Variants in MTA3 observed in about 807,000 individuals in gnomAD.
MTA3 encodes metastasis-associated protein MTA3.
In MTA3, 34 loss-of-function variants were observed where a neutral mutation model predicts 83.5. That is an observed-to-expected ratio of 0.41 (90% CI 0.31 to 0.54). The LOEUF is 0.54. Ranked by LOEUF, MTA3 falls within the 20% of genes least tolerant of loss-of-function variation. MTA3 has a pLI of 0.33. For synonymous variants in MTA3, 303 were observed against 252.7 expected (o/e 1.20, Z -1.89); for missense variants, 761 against 726.4 (o/e 1.05, Z -0.55).
intron 2 of MTA3, among the ~76,000 whole-genome samples, chr2:42,526,351 C>T (rs976557550): frequency 1.3e-5 from 2 of 152,186 alleles, no homozygotes; most frequent in Non-Finnish European, 2.9e-5. Context: ...AGGCGCATGC[C>T]ACCGAGGCCG....
chr2:42,749,153 A>G (rs894362686), intron 16 of MTA3, among the ~76,000 whole-genome samples: 1 of 152,188 alleles, frequency 6.6e-6, no homozygotes, highest in Non-Finnish European at 1.5e-5. Context: ...GGGAGTTTGT[A>G]TGTAGATTTG....
chr2:42,640,039 G>A, intron 4 of MTA3, 134 bp from the exon 5 acceptor site: 2 of 632,172 alleles, frequency 3.2e-6, no homozygotes, highest in Non-Finnish European at 5.3e-6. Flanking sequence ...GGTCTAAATG[G>A]TTTGAAAAAA....
At chr2:42,508,234 A>AT (rs1185634267) in intron 2 of MTA3, among the ~76,000 whole-genome samples, 1 of 151,764 alleles carries the variant, frequency 6.6e-6, no homozygotes, top group East Asian at 1.9e-4. Context: ...ATATAAACCT[A>AT]TTTTTTTCTT....
Position 42,756,420 on chromosome 2 carries a change from G to A in MTA3, c.*3021G>A. The A allele has an allele frequency of 1.0e-6, 1 of 977,742 alleles. No homozygotes were observed. Among genetic ancestry groups the A allele is most frequent in the Non-Finnish European group, 1.2e-6 (1 of 822,970 alleles). 60.6% of individuals were successfully genotyped at this position (977,742 alleles called of 1,614,324 possible). A position where few individuals can be genotyped will look rare whatever the true frequency, so the allele number is the denominator to read the frequency against. On this transcript the variant is annotated 3_prime_UTR_variant, in exon 17 of 17. Coordinates refer to ENST00000405094, the MANE Select transcript of MTA3 (RefSeq NM_001330442.2). Reference sequence around the variant, plus strand: ...GAGCCTGGGACAGGCGACCCACCGGGTCAGTCCCCTGCCACTCAGAGCAGA... The same window carrying A: ...GAGCCTGGGACAGGCGACCCACCGGATCAGTCCCCTGCCACTCAGAGCAGA...
intron 8 of MTA3, among the ~76,000 whole-genome samples, chr2:42,666,776 C>A (rs1690270121): frequency 6.6e-6 from 1 of 152,046 alleles, no homozygotes. Flanking sequence ...CATTGAATTC[C>A]CAGCACCAAG....
chr2:42,667,628 A>T (rs1307666261), intron 8 of MTA3, among the ~76,000 whole-genome samples: 9,778 of 35,250 alleles, frequency 0.28, 467 homozygotes, highest in South Asian at 0.41. Flanking sequence ...AGAAAGAGAG[A>T]GAGAGAGAGA....
chr2:42,664,706 A>G (rs1690067521), intron 8 of MTA3, among the ~76,000 whole-genome samples: 1 of 151,970 alleles, frequency 6.6e-6, no homozygotes, highest in African/African-American at 2.4e-5. Flanking sequence ...CAAACCTTGG[A>G]TCTGAAGACC....
intron 8 of MTA3, chr2:42,680,144 T>A (rs1021573868): frequency 6.5e-6 from 1 of 153,108 alleles, no homozygotes; most frequent in Non-Finnish European, 1.5e-5. Flanking sequence ...ATTTCTGGAT[T>A]TTCTGGGATA....
intron 9 of MTA3, among the ~76,000 whole-genome samples, chr2:42,683,532 A>T (rs990005905): frequency 9.9e-5 from 15 of 152,282 alleles, no homozygotes; most frequent in African/African-American, 3.6e-4. Flanking sequence ...TTCTATTATG[A>T]TTACATTGTC....
At chr2:42,621,797 G>T (rs1181190746) in intron 4 of MTA3, among the ~76,000 whole-genome samples, 1 of 151,474 alleles carries the variant, frequency 6.6e-6, no homozygotes, top group Non-Finnish European at 1.5e-5. Context: ...GGGCAGAGAC[G>T]CTCCTCACCT....
Position 42,551,185 on chromosome 2 carries a change from T to TG in MTA3, c.-140-19252_-140-19251insG, listed in dbSNP as rs1439966040. 8.7e-4 allele frequency among the ~76,000 whole-genome samples: 132 copies of TG among 150,984 alleles called. 2 individuals carry two copies. Among genetic ancestry groups the TG allele is most frequent in the African/African-American group, 3.0e-3 (123 of 41,104 alleles). The stretch of plus-strand genomic sequence containing the variant: ...TTGATCAGTGAATATTTCTTTTTTT[T>TG]TTTTGTTTGTTTGTTTGTTTTTTGA... On this transcript the variant is annotated intron_variant, in intron 2 of 17. Transcript: ENST00000405592.
chr2:42,628,115 T>G (rs1246626626), intron 4 of MTA3, among the ~76,000 whole-genome samples: 1 of 152,004 alleles, frequency 6.6e-6, no homozygotes, highest in Non-Finnish European at 1.5e-5. Context: ...AACGCCTGAC[T>G]TTGTGATCCA....
intron 3 of MTA3, among the ~76,000 whole-genome samples, chr2:42,586,359 A>G (rs1401694708): frequency 6.6e-6 from 1 of 150,614 alleles, no homozygotes; most frequent in African/African-American, 2.4e-5. Flanking sequence ...CCAAGGTAGG[A>G]GGACCACTTG....
At chr2:42,723,401 C>T (rs13411389) in intron 16 of MTA3, 19,029 of 180,500 alleles carry the variant, frequency 0.11, 1,290 homozygotes, top group Middle Eastern at 0.19. Context: ...CATCAGTGTT[C>T]TCTGGGGGTT....
chr2:42,755,106 C>A lies in MTA3; in HGVS notation c.*1707C>A. 1 of 985,420 alleles carries A rather than the reference C, an allele frequency of 1.0e-6. No individual in the cohort carries two copies. Among genetic ancestry groups the A allele is most frequent in the South Asian group, 4.7e-5 (1 of 21,276 alleles). 61.0% of individuals were successfully genotyped at this position (985,420 alleles called of 1,614,324 possible). A position where few individuals can be genotyped will look rare whatever the true frequency, so the allele number is the denominator to read the frequency against. On this transcript the variant is annotated 3_prime_UTR_variant, in exon 17 of 17. Coordinates refer to ENST00000405094, the MANE Select transcript of MTA3 (RefSeq NM_001330442.2). Reference sequence around the variant, plus strand: ...TCCTCAGGGTTCCCACTGAGGGGTCCCTTCAGCAAAGACCTGGGAGGAGGT... The same window carrying A: ...TCCTCAGGGTTCCCACTGAGGGGTCACTTCAGCAAAGACCTGGGAGGAGGT...
intron 6 of MTA3, among the ~76,000 whole-genome samples, chr2:42,654,739 T>C (rs540198185): frequency 1.2e-4 from 19 of 152,274 alleles, no homozygotes; most frequent in East Asian, 3.9e-4. Flanking sequence ...CTCAGCTTCC[T>C]GAGTAGTTAT....
At chr2:42,658,138 C>T (rs1689341322) in intron 7 of MTA3, among the ~76,000 whole-genome samples, 1 of 145,208 alleles carries the variant, frequency 6.9e-6, no homozygotes, top group Non-Finnish European at 1.5e-5. Flanking sequence ...AGTCAAATAC[C>T]ACTGCCAATC....
At chr2:42,678,407 G>A (rs547221974) in intron 8 of MTA3, among the ~76,000 whole-genome samples, 191 of 151,982 alleles carry the variant, frequency 1.3e-3, no homozygotes, top group Non-Finnish European at 2.0e-3. Flanking sequence ...GCGTGATCTC[G>A]GCTCACTGCT....
intron 3 of MTA3, among the ~76,000 whole-genome samples, chr2:42,603,107 C>CTT (rs11352685): frequency 3.1e-5 from 4 of 128,298 alleles, no homozygotes; most frequent in African/African-American, 3.0e-5. Context: ...AATAAATTTA[C>CTT]TTTTTTTTTT....
Sources: allele counts gnomAD v4.1 joint callset (sites outside exome capture counted in the v4.1 genomes callset), GRCh38; gene constraint gnomAD v4.1.1; transcripts MANE v1.5; gene names NCBI Gene and HGNC (gene_info 2026-07-23, HGNC 2026-07-21).